Variants in PSMC1 observed in about 807,000 individuals in gnomAD.
PSMC1 encodes 26S proteasome regulatory subunit 4.
In PSMC1, 5 loss-of-function variants were observed where a neutral mutation model predicts 49.8. The observed-to-expected ratio is 0.10, with a 90% CI of 0.05 to 0.21. The LOEUF is 0.21. Ranked by LOEUF, PSMC1 falls within the 10% of genes least tolerant of loss-of-function variation. The probability of loss-of-function intolerance (pLI) is 1.00; values close to 1 mark genes in which losing one functional copy is unlikely to be tolerated. For missense variants in PSMC1, 181 were observed against 535.7 expected (o/e 0.34, Z 6.54); for synonymous variants, 155 against 192.1 (o/e 0.81, Z 1.60).
intron 7 of PSMC1, among the ~76,000 whole-genome samples, chr14:90,265,462 G>A (rs1276432519): frequency 3.3e-5 from 5 of 152,014 alleles, no homozygotes; most frequent in East Asian, 1.9e-4. Context: ...AGGCAGAGGC[G>A]GGTGGATCAT....
Position 90,263,657 on chromosome 14 carries a change from T to C in PSMC1, c.280-5T>C. The C allele has an allele frequency of 1.9e-6, 3 of 1,612,748 alleles. No homozygotes were observed. Among genetic ancestry groups the C allele is most frequent in the Non-Finnish European group, 2.5e-6 (3 of 1,179,152 alleles). On this transcript the variant is annotated splice_region_variant and splice_polypyrimidine_tract_variant and intron_variant, in intron 4 of 10. Coordinates refer to ENST00000261303, the MANE Select transcript of PSMC1 (RefSeq NM_002802.3). ...GCTTTTTTCCCTTGGCATTTTCATATGTAGGAGGAAAGATCAAAAGTGGAT... is the reference window on the plus strand; with the variant it reads ...GCTTTTTTCCCTTGGCATTTTCATACGTAGGAGGAAAGATCAAAAGTGGAT...
At chr14:90,269,278 T>C (rs1595045610) in intron 8 of PSMC1, 119 bp from the exon 9 acceptor site, 1 of 839,776 alleles carries the variant, frequency 1.2e-6, no homozygotes, top group Admixed American at 2.7e-5. Flanking sequence ...GGGAGTGCCA[T>C]GTGAGTTGAA....
rs914488829 is a variant in PSMC1, at chr14:90,274,349, G to A, written c.*1942G>A. ...TGAGGAAGGCATCTGCAGGGACGGG[G>A]TGGTGGCAGGGGAGGGAGGCTGCTT... On this transcript the variant is annotated 3_prime_UTR_variant, in exon 11 of 11. Coordinates refer to ENST00000261303, the MANE Select transcript of PSMC1 (RefSeq NM_002802.3). 6.4e-6 allele frequency: 1 copy of A among 155,570 alleles called. No homozygotes were observed. The highest frequency in any genetic ancestry group is 1.5e-5 in the Non-Finnish European group (1 of 68,656). The allele number at this position is 155,570 out of a possible 1,614,324, so 9.6% of individuals were successfully genotyped here. A position where few individuals can be genotyped will look rare whatever the true frequency, so the allele number is the denominator to read the frequency against.
At chr14:90,263,221 G>A (rs4904663) in intron 3 of PSMC1, 97 bp from the exon 4 acceptor site, 11 of 1,305,058 alleles carry the variant, frequency 8.4e-6, no homozygotes, top group South Asian at 8.3e-5. Flanking sequence ...TGAAGCTATC[G>A]CCAACAAAAA....
rs191329705 is a variant in PSMC1, at chr14:90,260,010, G to T, written c.58-105G>T. The T allele has an allele frequency of 2.9e-3, 1,884 of 653,390 alleles. 7 individuals are homozygous for T. Among genetic ancestry groups the T allele is most frequent in the Admixed American group, 3.6e-3 (105 of 29,330 alleles). The allele number at this position is 653,390 out of a possible 1,614,324, so 40.5% of individuals were successfully genotyped here. A position where few individuals can be genotyped will look rare whatever the true frequency, so the allele number is the denominator to read the frequency against. On this transcript the variant is annotated intron_variant, in intron 2 of 10. Coordinates refer to ENST00000261303, the MANE Select transcript of PSMC1 (RefSeq NM_002802.3). ...TTTTAATAACATCCTAAAAGATAAG[G>T]AAAATTGTACCACCTGAAAATAGAT...
intron 10 of PSMC1, 90 bp downstream of exon 10, chr14:90,270,442 T>C: frequency 7.2e-7 from 1 of 1,397,984 alleles, no homozygotes; most frequent in East Asian, 2.5e-5. Context: ...GTGGTTGGCC[T>C]GGACAGGTGG....
rs1891691155 is a variant in PSMC1, at chr14:90,272,278, C to T, written c.1194C>T (p.Ile398=). 1 of 1,602,222 alleles carries T rather than the reference C, an allele frequency of 6.2e-7. No individual in the cohort carries two copies. Among genetic ancestry groups the T allele is most frequent in the Admixed American group, 1.8e-5 (1 of 56,300 alleles). ...CACACTCTTCTTTCTTACAGGCAAT[C>T]TGTACAGAAGCTGGTCTGATGGCCT... ...DDLSGADIKA[I]CTEAGLMALR... is the part of the protein sequence containing the mutation. The change falls in exon 11 of 11, where the codon ATC becomes ATT. Residue 398 remains isoleucine (I), a synonymous_variant. Transcript: ENST00000261303. This position sits in a 1 kb window ranked among gnomAD's most constrained non-coding sequence, Gnocchi z 4.5.
Position 90,272,726 on chromosome 14 carries a change from T to G in PSMC1, c.*319T>G, listed in dbSNP as rs1365670379. The G allele has an allele frequency of 4.5e-6, 1 of 220,388 alleles. No homozygotes were observed. Among genetic ancestry groups the G allele is most frequent in the Non-Finnish European group, 9.1e-6 (1 of 109,546 alleles). The allele number at this position is 220,388 out of a possible 1,614,324, so 13.7% of individuals were successfully genotyped here. A position where few individuals can be genotyped will look rare whatever the true frequency, so the allele number is the denominator to read the frequency against. On this transcript the variant is annotated 3_prime_UTR_variant, in exon 11 of 11. Coordinates refer to ENST00000261303, the MANE Select transcript of PSMC1 (RefSeq NM_002802.3). The surrounding 1 kb of genome is among the most constrained non-coding windows in gnomAD (Gnocchi z 4.5). ...CTTTGGACAGGAACTCAGGCTGCGG[T>G]CCCAAGGAGTGTGGACCTCACTATG...
At chr14:90,259,620 T>G (rs1891357646) in intron 2 of PSMC1, among the ~76,000 whole-genome samples, 1 of 127,656 alleles carries the variant, frequency 7.8e-6, no homozygotes, top group Admixed American at 8.8e-5. Flanking sequence ...ACGATTACAT[T>G]TATTTTCATT....
Position 90,268,336 on chromosome 14 carries a change from G to A in PSMC1, c.804G>A (p.Arg268=), listed in dbSNP as rs772447035. The change falls in exon 8 of 11, where the codon CGG becomes CGA. Residue 268 remains arginine (R), a synonymous_variant. Transcript: ENST00000261303. ...TAGGTGATGGGCCCAAACTCGTACG[G>A]GAATTGTTCCGAGTTGCTGAAGAAC... ...KYLGDGPKLV[R]ELFRVAEEHA... 2.5e-6 allele frequency: 4 copies of A among 1,613,566 alleles called. No individual in the cohort carries two copies. The South Asian group carries it at 3.3e-5, about 13-fold the overall frequency.
Position 90,260,224 on chromosome 14 carries a change from C to T in PSMC1, c.154+13C>T, listed in dbSNP as rs1271326760. 4 of 1,557,380 alleles carry T rather than the reference C, an allele frequency of 2.6e-6. No homozygotes were observed. The highest frequency in any genetic ancestry group is 1.4e-5 in the African/African-American group (1 of 73,226). On this transcript the variant is annotated intron_variant, in intron 3 of 10. Coordinates refer to ENST00000261303, the MANE Select transcript of PSMC1 (RefSeq NM_002802.3). Reference sequence around the variant, plus strand: ...AAACTGCCACTGGGTAATGACATGGCTTCTCCTTGCCATCTTTCCAGTTCT... The same window carrying T: ...AAACTGCCACTGGGTAATGACATGGTTTCTCCTTGCCATCTTTCCAGTTCT...
Position 90,274,426 on chromosome 14 carries a change from C to CT in PSMC1, c.*2020dup, listed in dbSNP as rs1891747619. On this transcript the variant is annotated 3_prime_UTR_variant, in exon 11 of 11. Coordinates refer to ENST00000261303, the MANE Select transcript of PSMC1 (RefSeq NM_002802.3). ...ACAGGACAGTGGGAGCCAGGTTTCT[C>CT]TGAGGAGTTAGACACAGAAAGAAGA... 1 of 153,638 alleles carries CT rather than the reference C, an allele frequency of 6.5e-6. No individual in the cohort carries two copies. The highest frequency in any genetic ancestry group is 2.4e-5 in the African/African-American group (1 of 41,378). 9.5% of individuals were successfully genotyped at this position (153,638 alleles called of 1,614,324 possible).
intron 10 of PSMC1, 147 bp downstream of exon 10, chr14:90,270,499 G>A (rs1891633430): frequency 2.3e-6 from 2 of 877,032 alleles, no homozygotes; most frequent in East Asian, 5.5e-5. Context: ...ACATCCAAAT[G>A]GTATATGTGC....
rs1491397403 is a variant in PSMC1, at chr14:90,274,838, A to ACACACACACACCCC, written c.*2432_*2433insACACACACACCCCC. The ACACACACACACCCC allele has an allele frequency of 6.0e-5, 4 of 67,220 alleles. No individual in the cohort carries two copies. Among genetic ancestry groups the ACACACACACACCCC allele is most frequent in the African/African-American group, 6.1e-5 (1 of 16,362 alleles). The allele number at this position is 67,220 out of a possible 1,614,324, so 4.2% of individuals were successfully genotyped here. On this transcript the variant is annotated 3_prime_UTR_variant, in exon 11 of 11. Transcript: ENST00000261303. ...CACACACACACACACACACACACAC[A>ACACACACACACCCC]CCCCAATACATATGAATTGATCTGA...
At position 90,272,306 on chromosome 14, in the gene PSMC1, A is replaced by G. The variant is rs1891691862; in HGVS notation, c.1222A>G (p.Arg408Gly). The G allele has an allele frequency of 6.2e-7, 1 of 1,604,076 alleles. No homozygotes were observed. The change falls in exon 11 of 11, where the codon AGA becomes GGA. Residue 408 changes from arginine (R) to glycine (G), a missense_variant. Arg to Gly is a moderately radical substitution (Grantham distance 125). Around this residue, in one of 3 missense-constraint regions of PSMC1, gnomAD observed 60 missense variants for 155.5 expected, o/e 0.39. Transcript: ENST00000261303. This position sits in a 1 kb window ranked among gnomAD's most constrained non-coding sequence, Gnocchi z 4.5. Reference sequence around the variant, plus strand: ...TACAGAAGCTGGTCTGATGGCCTTAAGAGAACGTAGAATGAAAGTAACAAA... The same window carrying G: ...TACAGAAGCTGGTCTGATGGCCTTAGGAGAACGTAGAATGAAAGTAACAAA... The part of the protein sequence containing the change: ...ICTEAGLMAL[R>G]ERRMKVTNED...
chr14:90,263,751 G>T lies in PSMC1; in HGVS notation c.369G>T (p.Val123=), dbSNP rs1891450380. 3 of 1,612,508 alleles carry T rather than the reference G, an allele frequency of 1.9e-6. No homozygotes were observed. Among genetic ancestry groups the T allele is most frequent in the Admixed American group, 1.7e-5 (1 of 60,018 alleles). The change falls in exon 5 of 11, where the codon GTG becomes GTT. Residue 123 remains valine, a synonymous_variant. Transcript: ENST00000261303. ...EEIIDDNHAI[V]STSVGSEHYV... ...TCATTGATGACAATCATGCCATCGT[G>T]TCTACATCTGTGGGCTCAGAACACT...
At chr14:90,264,691 A>G (rs893444478) in intron 6 of PSMC1, among the ~76,000 whole-genome samples, 1 of 152,218 alleles carries the variant, frequency 6.6e-6, no homozygotes, top group African/African-American at 2.4e-5. Flanking sequence ...GAGGCAGCTG[A>G]GAAATAGCTG....
At position 90,265,979 on chromosome 14, in the gene PSMC1, A is replaced by G. The variant is rs1339716776; in HGVS notation, c.691+813A>G. On this transcript the variant is annotated intron_variant, in intron 7 of 10. Transcript: ENST00000261303. Reference sequence around the variant, plus strand: ...GTGCTACTTTAAAAGCTCTATTCTGAGCATGGTGGCTCATGCCTATAATCC... The same window carrying G: ...GTGCTACTTTAAAAGCTCTATTCTGGGCATGGTGGCTCATGCCTATAATCC... 8.4e-4 allele frequency among the ~76,000 whole-genome samples: 128 copies of G among 152,236 alleles called. 1 individual carries two copies. The highest frequency in any genetic ancestry group is 2.4e-4 in the Non-Finnish European group (16 of 68,002).
rs543492593 is a variant in PSMC1, at chr14:90,269,628, A to C, written c.1033+80A>C. On this transcript the variant is annotated intron_variant, in intron 9 of 10. Transcript: ENST00000261303. ...TAAGTGTGCTTTGGGAGGCCTATAA[A>C]ATGATACATAAAAAAGCAAATACTG... 17 of 1,481,966 alleles carry C rather than the reference A, an allele frequency of 1.1e-5. No individual in the cohort carries two copies. In the East Asian group the frequency reaches 3.6e-4, roughly 32 times the overall value. The allele number at this position is 1,481,966 out of a possible 1,614,324, so 91.8% of individuals were successfully genotyped here. A position where few individuals can be genotyped will look rare whatever the true frequency, so the allele number is the denominator to read the frequency against.
Sources: gnomAD v4.1 joint callset for allele counts (sites outside exome capture counted in the v4.1 genomes callset) on GRCh38, gnomAD v4.1.1 for gene constraint, gnomAD v4.1.1 regional missense constraint, Gnocchi (gnomAD v3.1) non-coding constraint, MANE v1.5 for transcripts, NCBI Gene and HGNC (gene_info 2026-07-23, HGNC 2026-07-21) for gene names.